The following CDKL5 variants were observed in gnomAD, a reference collection of about 807,000 sequenced individuals.
CDKL5 encodes the protein cyclin dependent kinase like 5.
CDKL5 carries 8 observed loss-of-function variants against 61.7 expected under a neutral mutation model. The ratio of observed to expected loss-of-function variants is 0.13; its 90% CI spans 0.08 to 0.23. The LOEUF (loss-of-function observed/expected upper bound fraction) is 0.23, where lower values mean the gene tolerates loss of function less well. Ranked by LOEUF, CDKL5 falls within the 10% of genes least tolerant of loss-of-function variation. The pLI is 1.00. For missense variants in CDKL5, 440 were observed against 734.5 expected (o/e 0.60, Z 4.63); for synonymous variants, 275 against 272.3 (o/e 1.01, Z -0.10).
chrX:18,571,746 T>A, intron 4 of CDKL5, among the ~76,000 whole-genome samples: 1 of 111,429 alleles, frequency 9.0e-6, no homozygotes, highest in Non-Finnish European at 1.9e-5. Flanking sequence ...AATTATAGGA[T>A]GTACCCAGTA....
Position 18,633,385 on chromosome X carries a change from G to A in CDKL5, c.*4628G>A. 1 of 753,131 alleles carries A rather than the reference G, an allele frequency of 1.3e-6. No individual in the cohort carries two copies. The highest frequency in any genetic ancestry group is 1.6e-6 in the Non-Finnish European group (1 of 638,113). The allele number at this position is 753,131 out of a possible 1,213,427, so 62.1% of individuals were successfully genotyped here. On this transcript the variant is annotated 3_prime_UTR_variant, in exon 18 of 18. Transcript: ENST00000623535. ...GGGGACATAGAAAAGACAGTACAAA[G>A]GTTGTAAGTGTCCTGTCGCTAATTC...
chrX:18,553,717 A>G (rs1284374584), intron 3 of CDKL5, among the ~76,000 whole-genome samples: 1 of 110,840 alleles, frequency 9.0e-6, no homozygotes, highest in African/African-American at 3.3e-5. Flanking sequence ...CTGTTCTCGA[A>G]CTCCTAACCT....
At chrX:18,644,706 G>T, downstream of CDKL5, 1 of 1,014,396 alleles carries the variant, frequency 9.9e-7, no homozygotes, top group Non-Finnish European at 1.4e-6. Flanking sequence ...CTCTCGAGGG[G>T]ATGCCAGCAT....
intron 3 of CDKL5, among the ~76,000 whole-genome samples, chrX:18,521,217 T>A (rs1923232951): frequency 8.9e-6 from 1 of 112,199 alleles, no homozygotes; most frequent in South Asian, 3.6e-4. Context: ...CATTTTAAAA[T>A]TGGGTTGTCT....
chrX:18,624,017 T>C, intron 16 of CDKL5: 2 of 747,948 alleles, frequency 2.7e-6, no homozygotes, highest in Non-Finnish European at 3.2e-6. Context: ...CGTTTTTATG[T>C]ATGGTAGCCC....
intron 3 of CDKL5, among the ~76,000 whole-genome samples, chrX:18,550,924 G>A (rs144801554): frequency 0.011 from 1,255 of 112,540 alleles, 7 homozygotes; most frequent in Middle Eastern, 0.028. Flanking sequence ...TGAATTTGGT[G>A]TAGACAAGGT....
rs751289754 is a variant in CDKL5, at chrX:18,631,959, T to TG, written c.*3209dup. On this transcript the variant is annotated 3_prime_UTR_variant, in exon 18 of 18. Transcript: ENST00000623535. ...TCTGGGGACATTTGGTTGTCATAGC[T>TG]GGGGGGGAGGTGATGGTATGCTACT... The TG allele has an allele frequency of 1.4e-5, 9 of 641,890 alleles. No individual in the cohort carries two copies. The highest frequency in any genetic ancestry group is 1.2e-4 in the African/African-American group (5 of 40,993). The allele number at this position is 641,890 out of a possible 1,213,427, so 52.9% of individuals were successfully genotyped here.
chrX:18,649,054 A>G (rs1420912538), intron 20 of CDKL5, among the ~76,000 whole-genome samples: 2 of 109,176 alleles, frequency 1.8e-5, no homozygotes, highest in Non-Finnish European at 3.8e-5. Flanking sequence ...AAAAAAAAAA[A>G]AAAAAGAAAA....
chrX:18,598,724 T>C, intron 11 of CDKL5, 111 bp downstream of exon 11: 1 of 727,663 alleles, frequency 1.4e-6, no homozygotes, highest in Non-Finnish European at 2.2e-6. Flanking sequence ...GCCCTCTTTA[T>C]TCAAAAATAT....
chrX:18,594,507 ACT>A (rs776222465), intron 9 of CDKL5, among the ~76,000 whole-genome samples: 13 of 112,205 alleles, frequency 1.2e-4, no homozygotes, highest in Admixed American at 4.7e-4. Flanking sequence ...GTCTGAATTC[ACT>A]CTCTACTTCT....
chrX:18,565,319 T>C (rs1188658412), intron 4 of CDKL5, among the ~76,000 whole-genome samples: 1 of 112,029 alleles, frequency 8.9e-6, no homozygotes, highest in Admixed American at 9.5e-5. Context: ...TCCGCACACA[T>C]ATGTAACACT....
chrX:18,474,145 C>G (rs1921215381), intron 1 of CDKL5, among the ~76,000 whole-genome samples: 1 of 111,039 alleles, frequency 9.0e-6, no homozygotes, highest in Non-Finnish European at 1.9e-5. Flanking sequence ...GGATGACAGG[C>G]CTGAGCCACC....
At chrX:18,455,263 T>C (rs1932116762) in intron 1 of CDKL5, among the ~76,000 whole-genome samples, 1 of 112,357 alleles carries the variant, frequency 8.9e-6, no homozygotes, top group African/African-American at 3.2e-5. Flanking sequence ...ATTTTTTAAG[T>C]GACTCATCAC....
At chrX:18,641,568 A>C (rs1174392800), downstream of CDKL5, 2 of 148,530 alleles carry the variant, frequency 1.3e-5, no homozygotes, top group Non-Finnish European at 1.3e-5. Flanking sequence ...CTTAACTAGG[A>C]GGAGCTGCTC....
chrX:18,577,610 G>A (rs1406492565), intron 5 of CDKL5, among the ~76,000 whole-genome samples: 1 of 112,149 alleles, frequency 8.9e-6, no homozygotes, highest in Non-Finnish European at 1.9e-5. Context: ...CTCAAGGTCA[G>A]GATAGAGTTC....
At position 18,633,697 on chromosome X, in the gene CDKL5, C is replaced by CT. The variant is rs1348032025; in HGVS notation, c.*4951dup. 0.011 allele frequency: 4,722 copies of CT among 434,271 alleles called. No individual in the cohort carries two copies. Among genetic ancestry groups the CT allele is most frequent in the Non-Finnish European group, 0.012 (4,326 of 351,178 alleles). 35.8% of individuals were successfully genotyped at this position (434,271 alleles called of 1,213,427 possible). A position where few individuals can be genotyped will look rare whatever the true frequency, so the allele number is the denominator to read the frequency against. ...TCTGGGCCTGCTGCCCCCTTCGATT[C>CT]TTTTTTTTTTTCTTTGTGAATTGAA... On this transcript the variant is annotated 3_prime_UTR_variant, in exon 18 of 18. Coordinates refer to ENST00000623535, the MANE Select transcript of CDKL5 (RefSeq NM_001323289.2).
At chrX:18,439,152 T>C (rs1314232596) in intron 1 of CDKL5, among the ~76,000 whole-genome samples, 1 of 104,038 alleles carries the variant, frequency 9.6e-6, no homozygotes, top group Non-Finnish European at 2.0e-5. Flanking sequence ...TACCCTATAG[T>C]TATGCCTGTC....
intron 7 of CDKL5, 21 bp downstream of exon 7, chrX:18,581,971 G>A (rs1252633474): frequency 2.3e-5 from 24 of 1,059,721 alleles, no homozygotes; most frequent in Non-Finnish European, 2.8e-5. Flanking sequence ...AAGAAATTAA[G>A]TCCTGGTACT....
intron 1 of CDKL5, among the ~76,000 whole-genome samples, chrX:18,473,282 A>ATTCAC (rs1921171401): frequency 9.0e-6 from 1 of 111,211 alleles, no homozygotes; most frequent in Non-Finnish European, 1.9e-5. Flanking sequence ...TTTTAAGAGC[A>ATTCAC]TTCACTGATA....
Sources: allele counts gnomAD v4.1 joint callset (sites outside exome capture counted in the v4.1 genomes callset), GRCh38; gene constraint gnomAD v4.1.1; transcripts MANE v1.5; gene names NCBI Gene and HGNC (gene_info 2026-07-23, HGNC 2026-07-21).